Variants in PCSK1N observed in about 807,000 individuals in gnomAD.
PCSK1N encodes proSAAS.
PCSK1N carries 8 observed loss-of-function variants against 10.6 expected under a neutral mutation model. The observed-to-expected ratio is 0.76, with a 90% CI of 0.44 to 1.37. The LOEUF is 1.37. PCSK1N is among the 40% of genes most tolerant of loss of function. The pLI, the probability that PCSK1N is intolerant of heterozygous loss-of-function variation, is 0.00. For synonymous variants in PCSK1N, 143 were observed against 137.1 expected, an observed-to-expected ratio of 1.04 and a Z score of -0.30; for missense variants, 301 against 268.5, an observed-to-expected ratio of 1.12 and a Z score of -0.84.
Position 48,831,936 on chromosome X carries a change from C to A in PCSK1N, c.520G>T (p.Gly174Cys). Residue 174 changes from glycine to cysteine, a missense_variant, in exon 2 of 3, where the codon GGC (glycine) becomes TGC (cysteine). Gly to Cys is a radical substitution (Grantham distance 159, BLOSUM62 -3). Coordinates refer to ENST00000218230, the MANE Select transcript of PCSK1N (RefSeq NM_013271.5). ...LRPRPPVYDD[G>C]PAGPDAEEAG... ...TCCTCAGCATCCGGGCCCGCGGGGC[C>A]GTCGTCGTAGACCGGGGGCCGGGGT... The A allele has an allele frequency of 9.3e-7, 1 of 1,077,956 alleles. No individual in the cohort carries two copies. The highest frequency in any genetic ancestry group is 2.4e-5 in the South Asian group (1 of 42,110). The allele number at this position is 1,077,956 out of a possible 1,213,427, so 88.8% of individuals were successfully genotyped here.
In PCSK1N at chrX:48,832,313, G is replaced by A. The variant is rs1473282320; in HGVS notation, c.143C>T (p.Pro48Leu). 3 of 1,138,502 alleles carry A rather than the reference G, an allele frequency of 2.6e-6. No individual in the cohort carries two copies. The highest frequency in any genetic ancestry group is 3.5e-6 in the Non-Finnish European group (3 of 860,089). 93.8% of individuals were successfully genotyped at this position (1,138,502 alleles called of 1,213,427 possible). ...KEPRGLSAAS[P>L]PLAETGAPRR... Reference sequence around the variant, plus strand: ...AGGAGCGCCAGTCTCAGCCAAGGGCGGAGACGCTGCGCTTAGGCCGCGGGG... The same window carrying A: ...AGGAGCGCCAGTCTCAGCCAAGGGCAGAGACGCTGCGCTTAGGCCGCGGGG... The change falls in exon 2 of 3, where the codon CCG becomes CTG. Residue 48 changes from proline to leucine, a missense_variant. Physicochemically the swap from Pro to Leu is moderately conservative, Grantham distance 98 (BLOSUM62 -3). Transcript: ENST00000218230.
At chrX:48,831,509 C>T (rs1321067312) in intron 2 of PCSK1N, 54 bp from the exon 3 acceptor site, 2 of 924,359 alleles carry the variant, frequency 2.2e-6, no homozygotes, top group Middle Eastern at 3.9e-4. Flanking sequence ...GGCGTTCCCC[C>T]GCCCCACGCT....
intron 1 of PCSK1N, chrX:48,834,603 A>G (rs1462337854): frequency 1.5e-6 from 1 of 650,395 alleles, no homozygotes; most frequent in African/African-American, 2.4e-5. Context: ...TAAAGACACA[A>G]TGCAGCAGAG....
chrX:48,833,300 CCAGAAG>C (rs1315706038), intron 1 of PCSK1N, among the ~76,000 whole-genome samples: 1 of 112,211 alleles, frequency 8.9e-6, no homozygotes, highest in Non-Finnish European at 1.9e-5. Context: ...TCACCTGAGT[CCAGAAG>C]CTCAAGGTTG....
chrX:48,833,865 G>C (rs1390575115), intron 1 of PCSK1N, among the ~76,000 whole-genome samples: 4 of 111,262 alleles, frequency 3.6e-5, no homozygotes, highest in Non-Finnish European at 7.5e-5. Context: ...GCATCAACTT[G>C]GATGAATCTC....
At chrX:48,833,460 A>G (rs782599671) in intron 1 of PCSK1N, among the ~76,000 whole-genome samples, 11 of 112,742 alleles carry the variant, frequency 9.8e-5, no homozygotes, top group Non-Finnish European at 2.1e-4. Context: ...TATGCATAAT[A>G]TAACCAAAAG....
In PCSK1N at chrX:48,831,249, C is replaced by T; in HGVS notation, c.*11G>A. 3 of 1,164,313 alleles carry T rather than the reference C, an allele frequency of 2.6e-6. No homozygotes were observed. The highest frequency in any genetic ancestry group is 3.4e-6 in the Non-Finnish European group (3 of 871,202). On this transcript the variant is annotated 3_prime_UTR_variant, in exon 3 of 3. Coordinates refer to ENST00000218230, the MANE Select transcript of PCSK1N (RefSeq NM_013271.5). ...TTCTGGGTCCCAGGGTGCACGGGATCCGGGCAGTGCTCAGGGTGGCAAGAG... is the reference window on the plus strand; with the variant it reads ...TTCTGGGTCCCAGGGTGCACGGGATTCGGGCAGTGCTCAGGGTGGCAAGAG...
chrX:48,832,406 C>CTT, intron 1 of PCSK1N, 65 bp from the exon 2 acceptor site: 1 of 922,888 alleles, frequency 1.1e-6, no homozygotes. Context: ...ACCCCCAGCC[C>CTT]GGGAAGCTTC....
In PCSK1N at chrX:48,835,454, G is replaced by A. The variant is rs907418135; in HGVS notation, c.79C>T (p.Arg27Trp). The A allele has an allele frequency of 5.1e-5, 49 of 962,068 alleles. No homozygotes were observed. The Admixed American group carries it at 1.4e-3, about 27-fold the overall frequency. 79.3% of individuals were successfully genotyped at this position (962,068 alleles called of 1,213,427 possible). Residue 27 changes from arginine to tryptophan, a missense_variant, in exon 1 of 3, where the codon CGG becomes TGG. By Grantham distance (101) the Arg-to-Trp change is moderately radical. Transcript: ENST00000218230. ...CGCGCGCAGAGCGCGGGGGGCGGCC[G>A]AAACAGGCCGAGCAGCAGCAGCACC... The part of the protein sequence containing the change: ...LLVLLLLGLF[R>W]PPPALCARPV...
At chrX:48,833,919 G>T (rs1042186125) in intron 1 of PCSK1N, among the ~76,000 whole-genome samples, 1 of 111,689 alleles carries the variant, frequency 9.0e-6, no homozygotes, top group Non-Finnish European at 1.9e-5. Flanking sequence ...TCAAGTTCCA[G>T]AATTTCACTG....
Position 48,831,322 on chromosome X carries a change from GCAGCAGCGCCCC to G in PCSK1N, c.709_720del (p.Gly237_Leu240del), listed in dbSNP as rs1569506756. On this transcript the variant is annotated inframe_deletion, in exon 3 of 3. Coordinates refer to ENST00000218230, the MANE Select transcript of PCSK1N (RefSeq NM_013271.5). ...GCCGGGGTCTCTAGGCGTTTCACAC[GCAGCAGCGCCCC>G]CAGCACGCCCTCAGGGGGCAGCTCA... is the stretch of plus-strand genomic sequence containing the variant. 3 of 1,171,540 alleles carry G rather than the reference GCAGCAGCGCCCC, an allele frequency of 2.6e-6. No individual in the cohort carries two copies. The highest frequency in any genetic ancestry group is 2.3e-6 in the Non-Finnish European group (2 of 877,380).
chrX:48,831,229 G>C lies in PCSK1N; in HGVS notation c.*31C>G, dbSNP rs2063171241. The C allele has an allele frequency of 9.0e-7, 1 of 1,115,110 alleles. No homozygotes were observed. The highest frequency in any genetic ancestry group is 1.9e-5 in the African/African-American group (1 of 53,753). 91.9% of individuals were successfully genotyped at this position (1,115,110 alleles called of 1,213,427 possible). On this transcript the variant is annotated 3_prime_UTR_variant, in exon 3 of 3. Coordinates refer to ENST00000218230, the MANE Select transcript of PCSK1N (RefSeq NM_013271.5). Reference sequence around the variant, plus strand: ...TGGCGGGATGGCGGGGGCACTTCTGGGTCCCAGGGTGCACGGGATCCGGGC... The same window carrying C: ...TGGCGGGATGGCGGGGGCACTTCTGCGTCCCAGGGTGCACGGGATCCGGGC...
Position 48,835,593 on chromosome X carries a change from G to T in PCSK1N, c.-61C>A, listed in dbSNP as rs1250782836. The T allele has an allele frequency of 4.3e-6, 2 of 465,439 alleles. No individual in the cohort carries two copies. Among genetic ancestry groups the T allele is most frequent in the Admixed American group, 1.3e-4 (2 of 15,413 alleles). The allele number at this position is 465,439 out of a possible 1,213,427, so 38.4% of individuals were successfully genotyped here. On this transcript the variant is annotated 5_prime_UTR_variant, in exon 1 of 3. Coordinates refer to ENST00000218230, the MANE Select transcript of PCSK1N (RefSeq NM_013271.5). ...TGGCTGGCAAGTGCGCAGTGCCGGG[G>T]CGAGCTGGCGAGGCTGCGGCGCTCT...
In PCSK1N at chrX:48,831,237, G is replaced by A. The variant is rs1458514901; in HGVS notation, c.*23C>T. 1.8e-6 allele frequency: 2 copies of A among 1,140,032 alleles called. No homozygotes were observed. Among genetic ancestry groups the A allele is most frequent in the Non-Finnish European group, 2.3e-6 (2 of 855,213 alleles). The allele number at this position is 1,140,032 out of a possible 1,213,427, so 94.0% of individuals were successfully genotyped here. ...TGGCGGGGGCACTTCTGGGTCCCAG[G>A]GTGCACGGGATCCGGGCAGTGCTCA... On this transcript the variant is annotated 3_prime_UTR_variant, in exon 3 of 3. Coordinates refer to ENST00000218230, the MANE Select transcript of PCSK1N (RefSeq NM_013271.5).
chrX:48,833,165 G>A (rs1342562055), intron 1 of PCSK1N, among the ~76,000 whole-genome samples: 1 of 112,232 alleles, frequency 8.9e-6, no homozygotes, highest in Non-Finnish European at 1.9e-5. Context: ...ATCGCTTGAG[G>A]CCAGGAGTTT....
At chrX:48,833,349 C>T (rs781956509) in intron 1 of PCSK1N, among the ~76,000 whole-genome samples, 1 of 112,304 alleles carries the variant, frequency 8.9e-6, no homozygotes, top group Non-Finnish European at 1.9e-5. Context: ...TGCACTCCAG[C>T]GTGCATGACA....
In PCSK1N at chrX:48,832,217, G is replaced by C; in HGVS notation, c.239C>G (p.Ala80Gly). 8.7e-7 allele frequency: 1 copy of C among 1,154,262 alleles called. No individual in the cohort carries two copies. The highest frequency in any genetic ancestry group is 1.8e-5 in the African/African-American group (1 of 55,385). ...CTGACGTTCGGCCTCCAGCAGATGC[G>C]CCAGCGCCCGCGCCAGCTCCTGCAC... ...GAVQELARAL[A>G]HLLEAERQER... The change falls in exon 2 of 3, where the codon GCG becomes GGG. Residue 80 changes from alanine to glycine, a missense_variant. Ala to Gly is a moderately conservative substitution (Grantham distance 60). Transcript: ENST00000218230.
intron 2 of PCSK1N, 83 bp downstream of exon 2, chrX:48,831,785 AC>A: frequency 3.8e-6 from 3 of 785,261 alleles, no homozygotes; most frequent in Non-Finnish European, 5.0e-6. Context: ...TTCGCACTCC[AC>A]GGGGTAAGCA....
chrX:48,831,165 GT>G lies in PCSK1N; in HGVS notation c.*94del. 2 of 736,383 alleles carry G rather than the reference GT, an allele frequency of 2.7e-6. No homozygotes were observed. The highest frequency in any genetic ancestry group is 3.8e-6 in the Non-Finnish European group (2 of 527,083). 60.7% of individuals were successfully genotyped at this position (736,383 alleles called of 1,213,427 possible). ...CGGGTGAGAGGGCTGGCTGGCCGGG[GT>G]AAGTTGCTCTGGACGTGCTGGCGGG... On this transcript the variant is annotated 3_prime_UTR_variant, in exon 3 of 3. Transcript: ENST00000218230.
Sources: allele counts gnomAD v4.1 joint callset (sites outside exome capture counted in the v4.1 genomes callset), GRCh38; gene constraint gnomAD v4.1.1; transcripts MANE v1.5; gene names NCBI Gene and HGNC (gene_info 2026-07-23, HGNC 2026-07-21).